The following CDHR3 variants were observed in gnomAD, a reference collection of about 807,000 sequenced individuals.
The protein encoded by CDHR3 is cadherin-related family member 3.
CDHR3 carries 79 observed loss-of-function variants against 86.6 expected under a neutral mutation model. The ratio of observed to expected loss-of-function variants is 0.91; its 90% CI spans 0.76 to 1.10. The LOEUF (loss-of-function observed/expected upper bound fraction) is 1.10. Among genes scored for constraint, CDHR3 ranks in the 50% least tolerant of loss-of-function variants. The pLI, the probability that CDHR3 is intolerant of heterozygous loss-of-function variation, is 0.00. For synonymous variants in CDHR3, 421 were observed against 402.4 expected (o/e 1.05, Z -0.55); for missense variants, 1,081 against 1,077.6 (o/e 1.00, Z -0.04).
At chr7:106,004,734 G>C (rs1326887252) in intron 8 of CDHR3, 47 bp downstream of exon 8, 2 of 1,564,944 alleles carry the variant, frequency 1.3e-6, no homozygotes, top group Admixed American at 1.7e-5. Flanking sequence ...CTCTTTGGTG[G>C]CCCTCTGCCC....
chr7:106,017,139 T>C (rs1053461506), intron 11 of CDHR3, among the ~76,000 whole-genome samples: 3 of 152,212 alleles, frequency 2.0e-5, no homozygotes, highest in Non-Finnish European at 2.9e-5. Flanking sequence ...ATGCTCATTA[T>C]AGAAAATTGA....
intron 10 of CDHR3, 70 bp from the exon 11 acceptor site, chr7:106,015,857 T>C: frequency 8.7e-7 from 1 of 1,149,762 alleles, no homozygotes; most frequent in South Asian, 1.3e-5. Context: ...GGAGATTCTT[T>C]AAAGATGTTG....
rs187583803 is a variant in CDHR3 at position 105,968,422 on chromosome 7, C to T, written c.46+5058C>T. ...TGTTGCCCAGGCTGGAGTGCAGTGG[C>T]GTGATCTGGGCTCACTACAACCTCC... On this transcript the variant is annotated intron_variant, in intron 1 of 18. Transcript: ENST00000317716. Among the ~76,000 whole-genome samples, 78 of 151,818 alleles carry T rather than the reference C, an allele frequency of 5.1e-4. No homozygotes were observed. In the East Asian group the frequency reaches 0.011, roughly 21 times the overall value.
Position 105,994,788 on chromosome 7 carries a change from CT to C in CDHR3, c.552del (p.Ala185LeufsTer26). The part of the protein sequence containing the change: ...LISPPKSFRM[S>X]ANGTLFSTTE... ...TCTCCCCCAAAGAGCTTCAGAATGTCTGCTAATGGCACCCTCTTCTCCACAA... is the reference window on the plus strand; with the variant it reads ...TCTCCCCCAAAGAGCTTCAGAATGTCGCTAATGGCACCCTCTTCTCCACAA... On this transcript the variant is annotated frameshift_variant, in exon 5 of 19. Transcript: ENST00000317716. LOFTEE classifies it high-confidence loss of function. 6.2e-7 allele frequency: 1 copy of C among 1,612,732 alleles called. No individual in the cohort carries two copies. Among genetic ancestry groups the C allele is most frequent in the Non-Finnish European group, 8.5e-7 (1 of 1,179,390 alleles).
intron 1 of CDHR3, among the ~76,000 whole-genome samples, chr7:105,964,540 A>G (rs188125986): frequency 5.9e-4 from 90 of 152,166 alleles, no homozygotes; most frequent in African/African-American, 2.1e-3. Flanking sequence ...TTTCCCATTA[A>G]GCATGATGTT....
At chr7:106,020,602 A>T (rs1585814940) in intron 13 of CDHR3, 58 bp downstream of exon 13, 1 of 1,561,128 alleles carries the variant, frequency 6.4e-7, no homozygotes, top group East Asian at 2.3e-5. Context: ...GAAGTTGTCT[A>T]GGGTAGGGGT....
rs1022346819 is a variant in CDHR3, at chr7:106,006,205, T to C, written c.1052+1518T>C. On this transcript the variant is annotated intron_variant, in intron 8 of 18. Coordinates refer to ENST00000317716, the MANE Select transcript of CDHR3 (RefSeq NM_152750.5). ...GAAAGACTTGCCCCCATGATTCCAT[T>C]TCCTCCTACCAGGTCCCTCCCACAA... Among the ~76,000 whole-genome samples, 6 of 152,238 alleles carry C rather than the reference T, an allele frequency of 3.9e-5. No homozygotes were observed. In the East Asian group the frequency reaches 9.6e-4, roughly 24 times the overall value.
intron 9 of CDHR3, among the ~76,000 whole-genome samples, chr7:106,013,356 C>T (rs1379013201): frequency 6.6e-6 from 1 of 152,218 alleles, no homozygotes; most frequent in East Asian, 1.9e-4. Context: ...TATTTGAATG[C>T]TCATTCCCGG....
rs146370560 is a variant in CDHR3 at position 106,035,456 on chromosome 7, A to G, written c.*2759A>G. ...GAGGGTCTTGACTGCAAGTTGTCCA[A>G]GTTCTTGGAGTTTTGAACAAAGAAT... On this transcript the variant is annotated 3_prime_UTR_variant, in exon 19 of 19. Transcript: ENST00000317716. 3.5e-3 allele frequency among the ~76,000 whole-genome samples: 532 copies of G among 152,338 alleles called. 1 individual carries two copies. Among genetic ancestry groups the G allele is most frequent in the African/African-American group, 0.012 (512 of 41,554 alleles).
chr7:106,011,779 C>T (rs763774638), intron 8 of CDHR3, among the ~76,000 whole-genome samples: 27 of 152,206 alleles, frequency 1.8e-4, no homozygotes, highest in Non-Finnish European at 3.5e-4. Context: ...GAGCCTCCTA[C>T]AGCAAGCTGG....
intron 6 of CDHR3, among the ~76,000 whole-genome samples, chr7:106,000,065 G>A (rs920145307): frequency 2.6e-5 from 4 of 152,240 alleles, no homozygotes; most frequent in Non-Finnish European, 5.9e-5. Flanking sequence ...TCTGGTTTTG[G>A]CTCCTGCCAT....
intron 8 of CDHR3, among the ~76,000 whole-genome samples, chr7:106,008,142 A>G (rs1193407417): frequency 1.3e-5 from 2 of 152,180 alleles, no homozygotes; most frequent in Non-Finnish European, 2.9e-5. Context: ...ATTTCCTCCT[A>G]CTGGGTCCCT....
At chr7:106,032,094 A>G (rs886252784) in intron 18 of CDHR3, among the ~76,000 whole-genome samples, 1 of 152,250 alleles carries the variant, frequency 6.6e-6, no homozygotes, top group African/African-American at 2.4e-5. Context: ...ATGGAGTTCA[A>G]GAGTTACATG....
At chr7:105,999,569 C>T (rs1832803840) in intron 6 of CDHR3, among the ~76,000 whole-genome samples, 1 of 152,162 alleles carries the variant, frequency 6.6e-6, no homozygotes, top group East Asian at 1.9e-4. Flanking sequence ...CAAACATGTT[C>T]AGACACCACC....
chr7:105,974,206 A>AT (rs771229866), intron 1 of CDHR3, among the ~76,000 whole-genome samples: 2 of 152,228 alleles, frequency 1.3e-5, no homozygotes, highest in Non-Finnish European at 2.9e-5. Context: ...GGCAATTCAC[A>AT]TGCCATCCCT....
At chr7:105,999,381 A>G (rs908989833) in intron 6 of CDHR3, among the ~76,000 whole-genome samples, 2 of 152,144 alleles carry the variant, frequency 1.3e-5, no homozygotes, top group Admixed American at 6.5e-5. Flanking sequence ...TTCCTGGAGC[A>G]CCCAGCATGG....
At chr7:106,004,008 A>AAAG (rs1833593238) in intron 7 of CDHR3, among the ~76,000 whole-genome samples, 3 of 150,924 alleles carry the variant, frequency 2.0e-5, no homozygotes, top group Non-Finnish European at 4.4e-5. Context: ...AAAAAAAAAA[A>AAAG]AAAGAAAGAA....
rs377249040 is a variant in CDHR3, at chr7:106,001,528, G to A, written c.780G>A (p.Ala260=). The change falls in exon 7 of 19, where the codon GCG becomes GCA. Residue 260 remains alanine, a synonymous_variant. Transcript: ENST00000317716. ...GAACCATCGTGGCCAATATCACAGC[G>A]GAGGATCCTGATGATGAAGGTTTTC... ...SPGTIVANIT[A]EDPDDEGFPS... is the part of the protein sequence containing the mutation. The A allele has an allele frequency of 3.5e-5, 57 of 1,613,838 alleles. No individual in the cohort carries two copies. In the South Asian group the frequency reaches 4.0e-4, roughly 11 times the overall value.
chr7:105,967,968 G>A (rs1425923469), intron 1 of CDHR3, among the ~76,000 whole-genome samples: 2 of 152,102 alleles, frequency 1.3e-5, no homozygotes, highest in Admixed American at 6.5e-5. Flanking sequence ...AATTAGAACC[G>A]ATTTGACAAT....
Sources: gnomAD v4.1 joint callset for allele counts (sites outside exome capture counted in the v4.1 genomes callset) on GRCh38, gnomAD v4.1.1 for gene constraint, MANE v1.5 for transcripts, NCBI Gene and HGNC (gene_info 2026-07-23, HGNC 2026-07-21) for gene names.